SRBD1: variants seen among roughly 807,000 people sequenced by gnomAD.
SRBD1 encodes the protein S1 RNA-binding domain-containing protein 1.
SRBD1 carries 88 observed loss-of-function variants against 115.3 expected under a neutral mutation model. The ratio of observed to expected loss-of-function variants is 0.76; its 90% CI spans 0.64 to 0.91. The LOEUF is 0.91. Among genes scored for constraint, SRBD1 ranks in the 40% least tolerant of loss-of-function variants. The pLI, the probability that SRBD1 is intolerant of heterozygous loss-of-function variation, is 0.00. For synonymous variants in SRBD1, 509 were observed against 407.7 expected, an observed-to-expected ratio of 1.25 and a Z score of -2.99; for missense variants, 1,385 against 1,177.4, an observed-to-expected ratio of 1.18 and a Z score of -2.58.
rs181478248 is a variant in SRBD1, at chr2:45,501,576, G to A, written c.1875-13245C>T. ...TGTGACAGATGGCACCTGGAAAATC[G>A]AGTCACTCCCACCCTAACACCGTGC... On this transcript the variant is annotated intron_variant, in intron 14 of 20. Coordinates refer to ENST00000263736, the MANE Select transcript of SRBD1 (RefSeq NM_018079.5). Among the ~76,000 whole-genome samples the A allele has an allele frequency of 2.2e-3, 335 of 152,280 alleles. 15 individuals carry two copies. Among genetic ancestry groups the A allele is most frequent in the Admixed American group, 0.02 (309 of 15,302 alleles).
Position 45,585,769 on chromosome 2 carries a change from T to C in SRBD1, c.654A>G (p.Leu218=), listed in dbSNP as rs1348770926. 3 of 1,587,772 alleles carry C rather than the reference T, an allele frequency of 1.9e-6. No homozygotes were observed. The highest frequency in any genetic ancestry group is 2.3e-5 in the East Asian group (1 of 44,136). The change falls in exon 5 of 21, where the codon TTA becomes TTG. Residue 218 remains leucine (L), a synonymous_variant. Coordinates refer to ENST00000263736, the MANE Select transcript of SRBD1 (RefSeq NM_018079.5). The part of the protein sequence containing the change: ...VEMNWDMVQV[L]SERTNIEPWV... ...AAGGTTCAATATTAGTTCTCTCAGATAAAACCTGCAAATTAAAGATACTTA... is the reference window on the plus strand; with the variant it reads ...AAGGTTCAATATTAGTTCTCTCAGACAAAACCTGCAAATTAAAGATACTTA...
At chr2:45,505,807 AATCTAAAACC>A (rs11277214) in intron 14 of SRBD1, among the ~76,000 whole-genome samples, 17,006 of 152,150 alleles carry the variant, frequency 0.11, 981 homozygotes, top group Middle Eastern at 0.14. Context: ...AGACCAAAAT[AATCTAAAACC>A]ATGACTTAGG....
At chr2:45,555,044 A>G (rs1019124281) in intron 10 of SRBD1, among the ~76,000 whole-genome samples, 6 of 150,744 alleles carry the variant, frequency 4.0e-5, no homozygotes, top group Admixed American at 4.0e-4. Context: ...ACCCCAACCA[A>G]TCAAAGACCA....
intron 9 of SRBD1, among the ~76,000 whole-genome samples, chr2:45,572,987 CA>C (rs1336095577): frequency 1.3e-5 from 2 of 152,126 alleles, no homozygotes; most frequent in African/African-American, 4.8e-5. Flanking sequence ...GTTATATTGT[CA>C]GCTCTGCTAA....
chr2:45,420,871 A>C (rs1229890102), intron 16 of SRBD1, among the ~76,000 whole-genome samples: 1 of 152,038 alleles, frequency 6.6e-6, no homozygotes, highest in Non-Finnish European at 1.5e-5. Flanking sequence ...TTTTATTCTT[A>C]TTATTATACT....
intron 4 of SRBD1, 88 bp downstream of exon 4, chr2:45,599,361 A>G (rs936160472): frequency 3.0e-5 from 45 of 1,496,870 alleles, no homozygotes; most frequent in Non-Finnish European, 4.0e-5. Flanking sequence ...GAAAACCCCC[A>G]GCCCTTCCCT....
intron 11 of SRBD1, 123 bp downstream of exon 11, chr2:45,553,500 G>T: frequency 1.9e-6 from 1 of 521,060 alleles, no homozygotes; most frequent in Non-Finnish European, 3.2e-6. Context: ...TTAACACTTT[G>T]TGATGCTGAC....
Position 45,407,670 on chromosome 2 carries a change from T to C in SRBD1, c.2513+5444A>G. On this transcript the variant is annotated intron_variant, in intron 19 of 20. Coordinates refer to ENST00000263736, the MANE Select transcript of SRBD1 (RefSeq NM_018079.5). ...AGAACACAAAGAATATGGGGAACAC[T>C]GAACTCATCTTAGAGATGAGGGATC... Among the ~76,000 whole-genome samples, 2 of 152,168 alleles carry C rather than the reference T, an allele frequency of 1.3e-5. 1 individual carries two copies. Among genetic ancestry groups the C allele is most frequent in the Non-Finnish European group, 2.9e-5 (2 of 68,024 alleles).
At chr2:45,529,977 GA>G (rs1339542973) in intron 14 of SRBD1, among the ~76,000 whole-genome samples, 1 of 151,936 alleles carries the variant, frequency 6.6e-6, no homozygotes, top group Non-Finnish European at 1.5e-5. Flanking sequence ...CTTAAAATAG[GA>G]AGTAGAATAT....
Position 45,573,243 on chromosome 2 carries a change from A to T in SRBD1, c.1269T>A (p.His423Gln). The T allele has an allele frequency of 6.2e-7, 1 of 1,610,756 alleles. No individual in the cohort carries two copies. Residue 423 changes from histidine (H) to glutamine (Q), a missense_variant, in exon 9 of 21, where the codon CAT (histidine) becomes CAA (glutamine). His to Gln is a conservative substitution (Grantham distance 24). Coordinates refer to ENST00000263736, the MANE Select transcript of SRBD1 (RefSeq NM_018079.5). ...KDVDKFLLYQ[H>Q]FSCNIRNIHH... ...GAATGTTTCTTATGTTGCAGGAAAA[A>T]TGCTGGTAGAGCAGAAACTTATCAA...
intron 19 of SRBD1, among the ~76,000 whole-genome samples, chr2:45,403,943 C>T (rs544148635): frequency 6.6e-5 from 10 of 152,126 alleles, no homozygotes; most frequent in South Asian, 4.2e-4. Context: ...TCATTTAGAA[C>T]GTGCAGAGCA....
rs1673376705 is a variant in SRBD1 at position 45,581,879 on chromosome 2, A to T, written c.816-69T>A. ...AACTTTCTTTTCAAAGCTACCTCAA[A>T]CTTACAGAAAAGTTGCAGGTAAAGT... On this transcript the variant is annotated intron_variant, in intron 5 of 20. Coordinates refer to ENST00000263736, the MANE Select transcript of SRBD1 (RefSeq NM_018079.5). 3.1e-6 allele frequency: 4 copies of T among 1,279,776 alleles called. No homozygotes were observed. The South Asian group carries it at 5.1e-5, about 16-fold the overall frequency. The allele number at this position is 1,279,776 out of a possible 1,614,324, so 79.3% of individuals were successfully genotyped here.
intron 7 of SRBD1, among the ~76,000 whole-genome samples, chr2:45,576,752 C>G (rs115531910): frequency 0.013 from 1,946 of 152,220 alleles, 32 homozygotes; most frequent in African/African-American, 0.044. Flanking sequence ...AGAGCATCAT[C>G]ACATGAAGTT....
rs541292120 is a variant in SRBD1, at chr2:45,389,994, G to T, written c.2699-395C>A. On this transcript the variant is annotated intron_variant, in intron 20 of 20. Transcript: ENST00000263736. Reference sequence around the variant, plus strand: ...ACAAGAGACTGGAAGCTTTTTTTTTGGTTTTTCCCCCAGTGCCTGGATTAT... The same window carrying T: ...ACAAGAGACTGGAAGCTTTTTTTTTTGTTTTTCCCCCAGTGCCTGGATTAT... Among the ~76,000 whole-genome samples, 816 of 150,890 alleles carry T rather than the reference G, an allele frequency of 5.4e-3. 5 individuals carry two copies. Among genetic ancestry groups the T allele is most frequent in the Middle Eastern group, 0.014 (4 of 290 alleles).
chr2:45,477,058 C>T lies in SRBD1; in HGVS notation c.1984G>A (p.Val662Ile). 1 of 1,613,596 alleles carries T rather than the reference C, an allele frequency of 6.2e-7. No individual in the cohort carries two copies. The highest frequency in any genetic ancestry group is 8.5e-7 in the Non-Finnish European group (1 of 1,179,852). The change falls in exon 16 of 21, where the codon GTA (valine) becomes ATA (isoleucine). Residue 662 changes from valine (V) to isoleucine (I), a missense_variant. Transcript: ENST00000263736. The stretch of plus-strand genomic sequence containing the variant: ...ACTAGCTCAGCTAATGGATCTTGTA[C>T]ACGCCTTGCTATGGAAACTGAAAAA... Reference protein sequence around the residue: ...LRSAVSIARRVQDPLAELVKI... With the variant: ...LRSAVSIARRIQDPLAELVKI...
At chr2:45,596,426 TTTC>T (rs1476174867) in intron 4 of SRBD1, among the ~76,000 whole-genome samples, 4 of 152,210 alleles carry the variant, frequency 2.6e-5, no homozygotes, top group Admixed American at 1.3e-4. Context: ...CAGAACAAAT[TTTC>T]TTCTCTCAAA....
chr2:45,421,810 G>A (rs1668015781), intron 16 of SRBD1, among the ~76,000 whole-genome samples: 1 of 152,088 alleles, frequency 6.6e-6, no homozygotes. Context: ...GGGTACAGGA[G>A]CACTTCTGTA....
intron 14 of SRBD1, among the ~76,000 whole-genome samples, chr2:45,517,839 A>T (rs1572725047): frequency 6.7e-6 from 1 of 149,608 alleles, no homozygotes; most frequent in Non-Finnish European, 1.5e-5. Context: ...TACCAAAAAC[A>T]TTTTTTTTTT....
intron 16 of SRBD1, among the ~76,000 whole-genome samples, chr2:45,442,020 C>A (rs1668684041): frequency 6.6e-6 from 1 of 152,152 alleles, no homozygotes; most frequent in African/African-American, 2.4e-5. Flanking sequence ...ATGTTTAAGT[C>A]TTTCTTTTCC....
Sources: allele counts gnomAD v4.1 joint callset (sites outside exome capture counted in the v4.1 genomes callset), GRCh38; gene constraint gnomAD v4.1.1; transcripts MANE v1.5; gene names NCBI Gene and HGNC (gene_info 2026-07-23, HGNC 2026-07-21).